SPAG16: variants seen among roughly 807,000 people sequenced by gnomAD.
The protein encoded by SPAG16 is sperm associated antigen 16, also known as sperm-associated antigen 16 protein.
A neutral mutation model predicts 80.4 loss-of-function variants in SPAG16; 86 were observed. That is an observed-to-expected ratio of 1.07 (90% CI 0.90 to 1.28). The LOEUF is 1.28. Among genes scored for constraint, SPAG16 ranks in the 50% most tolerant of loss-of-function variants. SPAG16 has a pLI of 0.00. For synonymous variants in SPAG16, 294 were observed against 265.9 expected (o/e 1.11, Z -1.03); for missense variants, 870 against 765.3 (o/e 1.14, Z -1.61).
chr2:213,635,710 G>A (rs2062336268), intron 10 of SPAG16, among the ~76,000 whole-genome samples: 1 of 152,158 alleles, frequency 6.6e-6, no homozygotes, highest in African/African-American at 2.4e-5. Context: ...AAAAAAATTA[G>A]TGACTGAAGC....
At chr2:214,194,407 G>T (rs1302771417) in intron 15 of SPAG16, among the ~76,000 whole-genome samples, 2 of 151,982 alleles carry the variant, frequency 1.3e-5, no homozygotes, top group Non-Finnish European at 1.5e-5. Flanking sequence ...ATTCTAGTTT[G>T]TATGTTTGGT....
intron 14 of SPAG16, among the ~76,000 whole-genome samples, chr2:214,134,103 C>T (rs930025996): frequency 6.6e-6 from 1 of 152,200 alleles, no homozygotes; most frequent in African/African-American, 2.4e-5. Flanking sequence ...TTCCAGCAGT[C>T]TGGACTTAAT....
chr2:213,651,524 A>G (rs2063023829), intron 10 of SPAG16, among the ~76,000 whole-genome samples: 1 of 152,174 alleles, frequency 6.6e-6, no homozygotes, highest in Non-Finnish European at 1.5e-5. Context: ...GCACCATGGT[A>G]ATCAGTTGAG....
rs1439362886 is a variant in SPAG16, at chr2:213,294,039, T to A, written c.137-2025T>A. ...TTAGGTCTCCATAAATTCTTCATCT[T>A]ATAACTGAATGTTTGTGCAACGTTG... is the stretch of plus-strand genomic sequence containing the variant. On this transcript the variant is annotated intron_variant, in intron 1 of 15. Transcript: ENST00000331683. Among the ~76,000 whole-genome samples the A allele has an allele frequency of 9.2e-5, 14 of 152,202 alleles. No homozygotes were observed. In the East Asian group the frequency reaches 2.3e-3, roughly 25 times the overall value.
chr2:214,169,370 A>C (rs1218670993), intron 15 of SPAG16, among the ~76,000 whole-genome samples: 1 of 152,062 alleles, frequency 6.6e-6, no homozygotes, highest in African/African-American at 2.4e-5. Context: ...TTGCGCTTAA[A>C]AGTGAGTTGG....
chr2:213,678,376 A>T (rs1035735189), intron 10 of SPAG16, among the ~76,000 whole-genome samples: 2 of 152,198 alleles, frequency 1.3e-5, no homozygotes, highest in Non-Finnish European at 2.9e-5. Flanking sequence ...CACTAGCAAG[A>T]CTAATAAGGA....
chr2:213,504,141 C>T (rs1164842465), intron 10 of SPAG16, among the ~76,000 whole-genome samples: 1 of 152,088 alleles, frequency 6.6e-6, no homozygotes, highest in African/African-American at 2.4e-5. Flanking sequence ...TCTTGCTAAG[C>T]GGAAGGACTA....
At chr2:213,605,232 A>G (rs2061214893) in intron 10 of SPAG16, among the ~76,000 whole-genome samples, 1 of 151,812 alleles carries the variant, frequency 6.6e-6, no homozygotes, top group Admixed American at 6.6e-5. Flanking sequence ...AAGCAAAATC[A>G]GACACTTTAT....
chr2:213,308,425 G>A (rs1254754814), intron 3 of SPAG16, among the ~76,000 whole-genome samples: 1 of 151,932 alleles, frequency 6.6e-6, no homozygotes, highest in Non-Finnish European at 1.5e-5. Flanking sequence ...TCAGATTTTG[G>A]ATTTTTTTTC....
intron 10 of SPAG16, among the ~76,000 whole-genome samples, chr2:213,796,755 TAAA>T (rs2071060248): frequency 6.6e-6 from 1 of 151,944 alleles, no homozygotes; most frequent in Non-Finnish European, 1.5e-5. Flanking sequence ...TACTTGATAA[TAAA>T]TAAAGTTACT....
intron 15 of SPAG16, among the ~76,000 whole-genome samples, chr2:214,407,709 C>A (rs4618051): frequency 6.6e-6 from 1 of 152,004 alleles, no homozygotes; most frequent in African/African-American, 2.4e-5. Context: ...TTTTTATTTT[C>A]TTTCTGAGAG....
chr2:214,166,117 A>C (rs541304186), intron 15 of SPAG16, among the ~76,000 whole-genome samples: 1 of 152,222 alleles, frequency 6.6e-6, no homozygotes, highest in Non-Finnish European at 1.5e-5. Flanking sequence ...ATAATGAAAT[A>C]TAAAGATAGA....
chr2:213,594,016 C>T (rs1574425395), intron 10 of SPAG16, among the ~76,000 whole-genome samples: 2 of 151,624 alleles, frequency 1.3e-5, no homozygotes, highest in Admixed American at 6.6e-5. Flanking sequence ...ACCTCCTGAT[C>T]GGCCTGCCTC....
intron 5 of SPAG16, among the ~76,000 whole-genome samples, chr2:213,323,298 G>A (rs755480559): frequency 7.2e-5 from 11 of 152,062 alleles, no homozygotes; most frequent in Admixed American, 6.6e-4. Flanking sequence ...AAAATTAGCC[G>A]GGCATGGTGG....
At chr2:213,915,127 C>A (rs1056414691) in intron 11 of SPAG16, among the ~76,000 whole-genome samples, 2 of 140,072 alleles carry the variant, frequency 1.4e-5, no homozygotes, top group Non-Finnish European at 1.6e-5. Flanking sequence ...CTCCCCCCAC[C>A]TCTTTTTTTT....
At position 213,863,666 on chromosome 2, in the gene SPAG16, A is replaced by G. The variant is rs182276317; in HGVS notation, c.1214+1038A>G. Among the ~76,000 whole-genome samples the G allele has an allele frequency of 9.9e-5, 15 of 152,058 alleles. No homozygotes were observed. The East Asian group carries it at 2.7e-3, about 28-fold the overall frequency. On this transcript the variant is annotated intron_variant, in intron 11 of 15. Coordinates refer to ENST00000331683, the MANE Select transcript of SPAG16 (RefSeq NM_024532.5). ...CTCACCTCTTAGGAACATAAAACCC[A>G]TGTTGCAAGCAGAGACAATACAATT...
chr2:214,200,988 A>G (rs2057993419), intron 15 of SPAG16, among the ~76,000 whole-genome samples: 1 of 152,208 alleles, frequency 6.6e-6, no homozygotes, highest in Non-Finnish European at 1.5e-5. Context: ...CGGCCAATTA[A>G]CAGGTGATCC....
chr2:214,337,130 C>A (rs1301791439), intron 15 of SPAG16, among the ~76,000 whole-genome samples: 1 of 151,616 alleles, frequency 6.6e-6, no homozygotes, highest in Non-Finnish European at 1.5e-5. Context: ...CCAATCCTTT[C>A]TGTATGAATA....
At chr2:213,346,679 T>C (rs2065011859) in intron 6 of SPAG16, among the ~76,000 whole-genome samples, 1 of 152,172 alleles carries the variant, frequency 6.6e-6, no homozygotes, top group South Asian at 2.1e-4. Flanking sequence ...TGCTGGATTA[T>C]GTTTATTGAT....
Sources: gnomAD v4.1 joint callset for allele counts (sites outside exome capture counted in the v4.1 genomes callset) on GRCh38, gnomAD v4.1.1 for gene constraint, MANE v1.5 for transcripts, NCBI Gene and HGNC (gene_info 2026-07-23, HGNC 2026-07-21) for gene names.